The following PATJ variants were observed in gnomAD, a reference collection of about 807,000 sequenced individuals.
PATJ encodes PATJ crumbs cell polarity complex component.
PATJ carries 190 observed loss-of-function variants against 224.9 expected under a neutral mutation model. That is an observed-to-expected ratio of 0.84 (90% CI 0.75 to 0.95). The LOEUF is 0.95. Among genes scored for constraint, PATJ ranks in the 40% least tolerant of loss-of-function variants. The pLI is 0.00. For missense variants in PATJ, 2,121 were observed against 2,270.3 expected (o/e 0.93, Z 1.34); for synonymous variants, 769 against 820.3 (o/e 0.94, Z 1.07).
chr1:61,793,641 G>C (rs1432208121), intron 9 of PATJ, among the ~76,000 whole-genome samples: 3 of 151,426 alleles, frequency 2.0e-5, no homozygotes, highest in Non-Finnish European at 4.4e-5. Flanking sequence ...GCTTGAACTG[G>C]GGAGGCAGAG....
At chr1:61,943,874 TC>T (rs1465378436) in intron 27 of PATJ, among the ~76,000 whole-genome samples, 1 of 152,084 alleles carries the variant, frequency 6.6e-6, no homozygotes, top group African/African-American at 2.4e-5. Context: ...TGGGTGCCCC[TC>T]TGAGACGAAG....
chr1:61,939,160 C>A (rs1465073989), intron 27 of PATJ, among the ~76,000 whole-genome samples: 3 of 143,006 alleles, frequency 2.1e-5, no homozygotes, highest in Admixed American at 1.4e-4. Flanking sequence ...TCATGTAATT[C>A]TAAAAACTGA....
intron 37 of PATJ, among the ~76,000 whole-genome samples, chr1:62,117,693 A>T (rs761785527): frequency 1.3e-5 from 2 of 152,140 alleles, no homozygotes; most frequent in Admixed American, 6.6e-5. Context: ...GGGAGGGCTT[A>T]GTGGGTGATA....
At chr1:62,001,059 G>T (rs921652827) in intron 28 of PATJ, among the ~76,000 whole-genome samples, 5 of 151,914 alleles carry the variant, frequency 3.3e-5, no homozygotes, top group African/African-American at 1.2e-4. Flanking sequence ...TTGTAAATTT[G>T]TTTGAGTTCA....
chr1:61,962,544 G>A (rs1319682764), intron 27 of PATJ, among the ~76,000 whole-genome samples: 2 of 152,184 alleles, frequency 1.3e-5, no homozygotes. Context: ...GGTTTGTGGT[G>A]TGATGATGGA....
chr1:61,787,825 G>C lies in PATJ; in HGVS notation c.921G>C (p.Glu307Asp), dbSNP rs1374809698. ...CAAACGTGCAGGGAATGACCAGTGA[G>C]CAAGTTGCACAAGTTCTAAGGAACT... is the stretch of plus-strand genomic sequence containing the variant. ...GGTNVQGMTS[E>D]QVAQVLRNCG... Residue 307 changes from glutamate to aspartate, a missense_variant, in exon 8 of 44, where the codon GAG becomes GAC. Physicochemically the swap from Glu to Asp is conservative, Grantham distance 45. Coordinates refer to ENST00000642238, the MANE Select transcript of PATJ (RefSeq NM_001350145.3). The C allele has an allele frequency of 6.2e-7, 1 of 1,614,046 alleles. No individual in the cohort carries two copies. Among genetic ancestry groups the C allele is most frequent in the Non-Finnish European group, 8.5e-7 (1 of 1,180,012 alleles).
At chr1:61,934,911 G>A (rs532304497) in intron 27 of PATJ, among the ~76,000 whole-genome samples, 14 of 152,202 alleles carry the variant, frequency 9.2e-5, no homozygotes, top group African/African-American at 2.2e-4. Context: ...ACCTAGTTTC[G>A]GAGCATTCTG....
intron 28 of PATJ, among the ~76,000 whole-genome samples, chr1:62,010,391 A>T (rs186555931): frequency 1.3e-3 from 204 of 151,724 alleles, no homozygotes; most frequent in Non-Finnish European, 2.1e-3. Flanking sequence ...AAATACAGGT[A>T]TATTCTTTTT....
At position 62,005,625 on chromosome 1, in the gene PATJ, G is replaced by A. The variant is rs1041809692; in HGVS notation, c.3868-12231G>A. On this transcript the variant is annotated intron_variant, in intron 28 of 43. Transcript: ENST00000642238. ...CCAAAAAAATTAGCCAGGCGTGGTG[G>A]CACACACCTGTAGTCCTAGCTACTT... is the stretch of plus-strand genomic sequence containing the variant. Among the ~76,000 whole-genome samples the A allele has an allele frequency of 1.2e-4, 18 of 152,156 alleles. No individual in the cohort carries two copies. In the East Asian group the frequency reaches 3.3e-3, roughly 28 times the overall value.
At chr1:62,076,385 G>A (rs925421110) in intron 31 of PATJ, among the ~76,000 whole-genome samples, 1 of 152,122 alleles carries the variant, frequency 6.6e-6, no homozygotes, top group African/African-American at 2.4e-5. Flanking sequence ...GTTTAGTTAG[G>A]TTGGATGACC....
At chr1:62,149,943 C>T (rs1452378198) in intron 42 of PATJ, among the ~76,000 whole-genome samples, 1 of 152,168 alleles carries the variant, frequency 6.6e-6, no homozygotes, top group East Asian at 1.9e-4. Flanking sequence ...ACTCCTCCCT[C>T]TTCCCCTGAA....
At chr1:62,116,124 T>C (rs1664420061) in intron 35 of PATJ, among the ~76,000 whole-genome samples, 1 of 152,218 alleles carries the variant, frequency 6.6e-6, no homozygotes, top group South Asian at 2.1e-4. Context: ...AACATTTACA[T>C]TCCTTAGCAC....
At chr1:61,892,601 A>G (rs1669758746) in intron 22 of PATJ, among the ~76,000 whole-genome samples, 1 of 152,116 alleles carries the variant, frequency 6.6e-6, no homozygotes, top group South Asian at 2.1e-4. Flanking sequence ...TCCTTTGGGG[A>G]AAAATTTGGT....
intron 10 of PATJ, among the ~76,000 whole-genome samples, 156 bp from the exon 11 acceptor site, chr1:61,797,131 A>G (rs1651502795): frequency 6.6e-6 from 1 of 152,114 alleles, no homozygotes; most frequent in East Asian, 1.9e-4. Context: ...ACCTTGACCT[A>G]CCAAAGTGCT....
chr1:61,872,736 C>G (rs539157182), intron 20 of PATJ, among the ~76,000 whole-genome samples: 1 of 152,198 alleles, frequency 6.6e-6, no homozygotes, highest in South Asian at 2.1e-4. Context: ...ATAAATACCC[C>G]TAAGGAAAAT....
intron 8 of PATJ, 36 bp from the exon 9 acceptor site, chr1:61,791,312 T>A (rs753113135): frequency 1.6e-6 from 2 of 1,224,626 alleles, no homozygotes; most frequent in South Asian, 2.4e-5. Flanking sequence ...GGTATGCCAC[T>A]AAGCATATAT....
intron 10 of PATJ, among the ~76,000 whole-genome samples, chr1:61,796,154 C>T (rs1428641695): frequency 1.3e-5 from 2 of 152,074 alleles, no homozygotes. Context: ...GAATCCTTGT[C>T]CTTCAAATCT....
At chr1:61,866,305 G>A (rs922115778) in intron 20 of PATJ, among the ~76,000 whole-genome samples, 8 of 152,266 alleles carry the variant, frequency 5.3e-5, no homozygotes, top group African/African-American at 1.4e-4. Context: ...TATAAACTTT[G>A]AAGGCTATAG....
At chr1:61,984,831 T>C (rs931226574) in intron 27 of PATJ, among the ~76,000 whole-genome samples, 1 of 152,074 alleles carries the variant, frequency 6.6e-6, no homozygotes, top group South Asian at 2.1e-4. Flanking sequence ...CTCTTATCTC[T>C]CTGAATTATA....
Sources: allele counts gnomAD v4.1 joint callset (sites outside exome capture counted in the v4.1 genomes callset), GRCh38; gene constraint gnomAD v4.1.1; transcripts MANE v1.5; gene names NCBI Gene and HGNC (gene_info 2026-07-23, HGNC 2026-07-21).